The following CCDC85A variants were observed in gnomAD, a reference collection of about 807,000 sequenced individuals.
The protein encoded by CCDC85A is coiled-coil domain-containing protein 85A.
In CCDC85A, 38 loss-of-function variants were observed where a neutral mutation model predicts 50.2. That is an observed-to-expected ratio of 0.76 (90% CI 0.58 to 0.99). The LOEUF (loss-of-function observed/expected upper bound fraction) is 0.99. CCDC85A is among the 50% of genes least tolerant of loss of function. The pLI, the probability that CCDC85A is intolerant of heterozygous loss-of-function variation, is 0.00. For synonymous variants in CCDC85A, 366 were observed against 301.4 expected, an observed-to-expected ratio of 1.21 and a Z score of -2.22; for missense variants, 820 against 742.0, an observed-to-expected ratio of 1.11 and a Z score of -1.22.
At chr2:56,336,144 C>CTTTA (rs1167295530) in intron 2 of CCDC85A, among the ~76,000 whole-genome samples, 55 of 152,062 alleles carry the variant, frequency 3.6e-4, no homozygotes, top group South Asian at 2.1e-3. Context: ...CATATACACT[C>CTTTA]TTTATTTATT....
At chr2:56,200,559 T>G (rs1288658747) in intron 2 of CCDC85A, among the ~76,000 whole-genome samples, 2 of 152,166 alleles carry the variant, frequency 1.3e-5, no homozygotes, top group African/African-American at 4.8e-5. Flanking sequence ...TGCTTTCTCT[T>G]TAGAGTGCCG....
At chr2:56,323,640 CA>C (rs2104270342) in intron 2 of CCDC85A, among the ~76,000 whole-genome samples, 1 of 152,178 alleles carries the variant, frequency 6.6e-6, no homozygotes, top group Non-Finnish European at 1.5e-5. Context: ...ATCAAATACA[CA>C]ATCATGTTGG....
chr2:56,201,388 C>T (rs879624483), intron 2 of CCDC85A, among the ~76,000 whole-genome samples: 5 of 152,024 alleles, frequency 3.3e-5, no homozygotes, highest in Admixed American at 3.3e-4. Context: ...TCTGATACTC[C>T]CTGGTGAGTT....
At chr2:56,377,168 G>A (rs923084655) in intron 5 of CCDC85A, among the ~76,000 whole-genome samples, 1 of 152,198 alleles carries the variant, frequency 6.6e-6, no homozygotes, top group African/African-American at 2.4e-5. Flanking sequence ...TTCTGTCTTT[G>A]TTGGAATAAT....
At chr2:56,289,613 G>C (rs1450371365) in intron 2 of CCDC85A, among the ~76,000 whole-genome samples, 2 of 152,122 alleles carry the variant, frequency 1.3e-5, no homozygotes, top group East Asian at 1.9e-4. Flanking sequence ...GAGATTGTGA[G>C]AGGTGAGGCG....
At chr2:56,282,149 A>G (rs754083903) in intron 2 of CCDC85A, among the ~76,000 whole-genome samples, 4 of 152,038 alleles carry the variant, frequency 2.6e-5, no homozygotes, top group Non-Finnish European at 4.4e-5. Context: ...ATGGATATCG[A>G]GGTACAATTT....
At chr2:56,310,297 G>A (rs1672631424) in intron 2 of CCDC85A, among the ~76,000 whole-genome samples, 1 of 152,080 alleles carries the variant, frequency 6.6e-6, no homozygotes, top group African/African-American at 2.4e-5. Context: ...CCCTAATACA[G>A]GACACAGTTT....
chr2:56,326,108 A>G (rs890114587), intron 2 of CCDC85A, among the ~76,000 whole-genome samples: 1 of 152,106 alleles, frequency 6.6e-6, no homozygotes, highest in African/African-American at 2.4e-5. Context: ...TCTCTGCAGC[A>G]TCTATGTTCT....
chr2:56,342,794 T>C, intron 2 of CCDC85A, 85 bp from the exon 3 acceptor site: 1 of 813,346 alleles, frequency 1.2e-6, no homozygotes, highest in South Asian at 1.8e-5. Flanking sequence ...ACTGTCTGAT[T>C]TGAATAAATC....
At chr2:56,265,629 G>C (rs547670793) in intron 2 of CCDC85A, among the ~76,000 whole-genome samples, 1 of 152,002 alleles carries the variant, frequency 6.6e-6, no homozygotes, top group African/African-American at 2.4e-5. Flanking sequence ...GGCTATTATC[G>C]AAAAGATGAA....
intron 3 of CCDC85A, among the ~76,000 whole-genome samples, chr2:56,370,028 T>A (rs976404786): frequency 6.6e-6 from 1 of 151,768 alleles, no homozygotes; most frequent in African/African-American, 2.4e-5. Context: ...ACAATGGGAG[T>A]GTTAGGGTCA....
At chr2:56,202,018 A>T (rs1676766401) in intron 2 of CCDC85A, among the ~76,000 whole-genome samples, 1 of 152,186 alleles carries the variant, frequency 6.6e-6, no homozygotes, top group Non-Finnish European at 1.5e-5. Flanking sequence ...TCTAAAGAAG[A>T]CATTTATTCT....
intron 2 of CCDC85A, among the ~76,000 whole-genome samples, chr2:56,245,142 C>T (rs1031212103): frequency 6.6e-6 from 1 of 152,170 alleles, no homozygotes; most frequent in Non-Finnish European, 1.5e-5. Context: ...CTAGGACATG[C>T]CCAGGAGTTG....
At chr2:56,341,265 T>C (rs1284553146) in intron 2 of CCDC85A, among the ~76,000 whole-genome samples, 1 of 152,188 alleles carries the variant, frequency 6.6e-6, no homozygotes, top group Non-Finnish European at 1.5e-5. Context: ...ACTCCAGAGA[T>C]CTTACTGGGG....
chr2:56,310,732 G>C (rs752817321), intron 2 of CCDC85A, among the ~76,000 whole-genome samples: 5 of 151,850 alleles, frequency 3.3e-5, no homozygotes, highest in Non-Finnish European at 7.4e-5. Flanking sequence ...GTATTGCTAA[G>C]AAAAAAAAGC....
In CCDC85A at chr2:56,241,199, G is replaced by GAT. The variant is rs546350194; in HGVS notation, c.1240+47769_1240+47770dup. 3.0e-4 allele frequency among the ~76,000 whole-genome samples: 45 copies of GAT among 151,858 alleles called. 1 individual carries two copies. Among genetic ancestry groups the GAT allele is most frequent in the East Asian group, 2.3e-3 (12 of 5,168 alleles). On this transcript the variant is annotated intron_variant, in intron 2 of 5. Transcript: ENST00000407595. ...CATTTTTAATTTTTATTTTGTGGGAGATATATATATACATATGGCATATGA... is the reference window on the plus strand; with the variant it reads ...CATTTTTAATTTTTATTTTGTGGGAGATATATATATATACATATGGCATATGA...
At chr2:56,356,085 C>T (rs1240199101) in intron 3 of CCDC85A, among the ~76,000 whole-genome samples, 2 of 152,114 alleles carry the variant, frequency 1.3e-5, no homozygotes, top group African/African-American at 4.8e-5. Context: ...ATATCTATAA[C>T]TACAGAAATC....
At chr2:56,266,580 C>CA (rs1185056797) in intron 2 of CCDC85A, among the ~76,000 whole-genome samples, 1 of 84,030 alleles carries the variant, frequency 1.2e-5, no homozygotes, top group East Asian at 3.7e-4. Context: ...AATAACGCGC[C>CA]CCCCCCCCCC....
chr2:56,349,320 T>C (rs1410889570), intron 3 of CCDC85A, among the ~76,000 whole-genome samples: 5 of 152,174 alleles, frequency 3.3e-5, no homozygotes, highest in African/African-American at 1.2e-4. Flanking sequence ...GGGTTTTATG[T>C]GTAGTTCAAT....
Sources: allele counts gnomAD v4.1 joint callset (sites outside exome capture counted in the v4.1 genomes callset), GRCh38; gene constraint gnomAD v4.1.1; transcripts MANE v1.5; gene names NCBI Gene and HGNC (gene_info 2026-07-23, HGNC 2026-07-21).